The following OSMR variants were observed in gnomAD, a reference collection of about 807,000 sequenced individuals.
The protein encoded by OSMR is oncostatin M receptor.
Under a neutral mutation model 99.9 loss-of-function variants are expected in OSMR, and 81 were observed. The observed-to-expected ratio is 0.81, with a 90% CI of 0.68 to 0.97. The LOEUF is 0.97. OSMR is among the 50% of genes least tolerant of loss of function. The probability of loss-of-function intolerance (pLI) is 0.00; values close to 1 mark genes in which losing one functional copy is unlikely to be tolerated. For synonymous variants in OSMR, 406 were observed against 410.4 expected (o/e 0.99, Z 0.13); for missense variants, 1,099 against 1,153.4 (o/e 0.95, Z 0.68).
chr5:38,913,735 T>C lies in OSMR; in HGVS notation c.1286-3811T>C, dbSNP rs538082380. On this transcript the variant is annotated intron_variant, in intron 9 of 17. Transcript: ENST00000274276. ...TTTAAAAATCTTTGCATGTTGTTAC[T>C]GTTTTTATTCTTTAGCTACCCCAGG... Among the ~76,000 whole-genome samples the C allele has an allele frequency of 2.0e-5, 3 of 152,328 alleles. No homozygotes were observed. The South Asian group carries it at 6.2e-4, about 32-fold the overall frequency.
At chr5:38,923,312 A>G (rs533678932) in intron 13 of OSMR, 58 bp downstream of exon 13, 2 of 1,109,712 alleles carry the variant, frequency 1.8e-6, no homozygotes, top group African/African-American at 3.1e-5. Context: ...CAATTCATAG[A>G]TTCCTAGCTT....
intron 3 of OSMR, among the ~76,000 whole-genome samples, chr5:38,878,622 C>T (rs1561357930): frequency 1.3e-5 from 2 of 152,158 alleles, no homozygotes; most frequent in Non-Finnish European, 2.9e-5. Flanking sequence ...GTCTCAGTAA[C>T]AAATCAGTGA....
exon 3 of OSMR, chr5:38,944,999 G>C (rs956442090): frequency 6.2e-7 from 1 of 1,613,100 alleles, no homozygotes; most frequent in Non-Finnish European, 8.5e-7. Flanking sequence ...CGAAAACTTA[G>C]AGGGAACCAC....
At chr5:38,899,967 C>G (rs906450941) in intron 7 of OSMR, among the ~76,000 whole-genome samples, 2 of 152,158 alleles carry the variant, frequency 1.3e-5, no homozygotes, top group Non-Finnish European at 2.9e-5. Context: ...CTAAGCCCGG[C>G]TCAGCACCAT....
chr5:38,849,187 C>T (rs1458538374), intron 1 of OSMR, among the ~76,000 whole-genome samples: 2 of 152,232 alleles, frequency 1.3e-5, no homozygotes, highest in African/African-American at 2.4e-5. Context: ...ACACATTCAT[C>T]TTCCTGCTCA....
chr5:38,932,972 C>G lies in OSMR; in HGVS notation c.2468C>G (p.Thr823Ser). ...GGGACAAAGATACAGTTCCTAGGCA[C>G]TAGGAAGTCACTCACAGAAACCGAG... is the stretch of plus-strand genomic sequence containing the variant. ...PEGTKIQFLGTRKSLTETELT... is the reference protein window; with the variant it reads ...PEGTKIQFLGSRKSLTETELT... Residue 823 changes from threonine (T) to serine (S), a missense_variant, in exon 18 of 18, where the codon ACT becomes AGT. Transcript: ENST00000274276. 6.2e-7 allele frequency: 1 copy of G among 1,614,176 alleles called. No individual in the cohort carries two copies. The highest frequency in any genetic ancestry group is 1.1e-5 in the South Asian group (1 of 91,082).
chr5:38,936,259 CATG>C (rs149065747), downstream of OSMR, among the ~76,000 whole-genome samples: 1,997 of 152,186 alleles, frequency 0.013, 43 homozygotes, highest in African/African-American at 0.045. Context: ...TGAAGCAAAT[CATG>C]ATATCATGAT....
intron 7 of OSMR, 81 bp from the exon 8 acceptor site, chr5:38,903,801 T>A: frequency 1.9e-6 from 3 of 1,540,818 alleles, no homozygotes; most frequent in Non-Finnish European, 2.6e-6. Context: ...AACAAATAAA[T>A]GAAGAAATAA....
chr5:38,862,397 G>A (rs1741494302), intron 1 of OSMR, among the ~76,000 whole-genome samples: 1 of 14,816 alleles, frequency 6.7e-5, no homozygotes, highest in Non-Finnish European at 1.3e-4. Context: ...CCTCCCGGAT[G>A]GGGCGGCTGG....
At chr5:38,851,611 T>C (rs1489855124) in intron 1 of OSMR, among the ~76,000 whole-genome samples, 2 of 152,184 alleles carry the variant, frequency 1.3e-5, no homozygotes, top group African/African-American at 2.4e-5. Flanking sequence ...CTGTCAGTCA[T>C]CTACGCTCTC....
Position 38,933,489 on chromosome 5 carries a change from G to A in OSMR, c.*45G>A. 2 of 1,609,662 alleles carry A rather than the reference G, an allele frequency of 1.2e-6. No individual in the cohort carries two copies. The highest frequency in any genetic ancestry group is 1.7e-6 in the Non-Finnish European group (2 of 1,177,260). ...CCTTATGCTACACAGACATTAAGAA[G>A]AGCAGAGCTGGCACCCTGTCATCAC... On this transcript the variant is annotated 3_prime_UTR_variant, in exon 18 of 18. Coordinates refer to ENST00000274276, the MANE Select transcript of OSMR (RefSeq NM_003999.3).
Position 38,933,182 on chromosome 5 carries a change from T to C in OSMR, c.2678T>C (p.Val893Ala), listed in dbSNP as rs778800761. Residue 893 changes from valine (V) to alanine (A), a missense_variant, in exon 18 of 18, where the codon GTA becomes GCA. Coordinates refer to ENST00000274276, the MANE Select transcript of OSMR (RefSeq NM_003999.3). ...GGACTAATGACCTCACCTGAAAATG[T>C]ACTAAAGGCACTAGAAAAAAACTAC... ...MLGLMTSPEN[V>A]LKALEKNYMN... 7.4e-6 allele frequency: 12 copies of C among 1,614,008 alleles called. No individual in the cohort carries two copies. The highest frequency in any genetic ancestry group is 1.3e-5 in the African/African-American group (1 of 74,906).
At chr5:38,854,367 G>A (rs945222766) in intron 1 of OSMR, among the ~76,000 whole-genome samples, 1 of 152,172 alleles carries the variant, frequency 6.6e-6, no homozygotes, top group African/African-American at 2.4e-5. Flanking sequence ...GGTGAGGAAG[G>A]GCAGACTGAA....
chr5:38,863,451 C>T (rs1189626348), intron 1 of OSMR, among the ~76,000 whole-genome samples: 3 of 151,816 alleles, frequency 2.0e-5, no homozygotes, highest in Non-Finnish European at 4.4e-5. Flanking sequence ...GCAGGAGAAT[C>T]GCATGAACCA....
At chr5:38,851,210 C>T (rs1177735321) in intron 1 of OSMR, among the ~76,000 whole-genome samples, 7 of 152,166 alleles carry the variant, frequency 4.6e-5, no homozygotes, top group African/African-American at 1.4e-4. Context: ...CACACACACA[C>T]GTTTTAAGGA....
intron 8 of OSMR, 90 bp downstream of exon 8, chr5:38,904,114 T>C (rs1745066664): frequency 1.3e-6 from 2 of 1,569,264 alleles, no homozygotes; most frequent in African/African-American, 2.7e-5. Flanking sequence ...TAAACTCTTA[T>C]TTCTGTGTAG....
At chr5:38,936,830 G>GTTGT (rs1415389866), downstream of OSMR, among the ~76,000 whole-genome samples, 1 of 152,204 alleles carries the variant, frequency 6.6e-6, no homozygotes, top group African/African-American at 2.4e-5. Flanking sequence ...TGAAAGCATA[G>GTTGT]TTGTTTTATT....
intron 1 of OSMR, among the ~76,000 whole-genome samples, chr5:38,858,394 T>G (rs1031451965): frequency 2.6e-5 from 4 of 152,116 alleles, no homozygotes; most frequent in Non-Finnish European, 4.4e-5. Flanking sequence ...CTTATTTCAC[T>G]TAACATAATG....
chr5:38,893,040 C>T (rs1016284660), intron 7 of OSMR, among the ~76,000 whole-genome samples: 1 of 152,232 alleles, frequency 6.6e-6, no homozygotes, highest in Non-Finnish European at 1.5e-5. Context: ...GTACTGGGCA[C>T]TCTACTGTCC....
Sources: gnomAD v4.1 joint callset for allele counts (sites outside exome capture counted in the v4.1 genomes callset) on GRCh38, gnomAD v4.1.1 for gene constraint, MANE v1.5 for transcripts, NCBI Gene and HGNC (gene_info 2026-07-23, HGNC 2026-07-21) for gene names.